Variants in CELSR3 observed in about 807,000 individuals in gnomAD.
CELSR3 encodes cadherin EGF LAG seven-pass G-type receptor 3.
CELSR3 carries 73 observed loss-of-function variants against 270.0 expected under a neutral mutation model. The observed-to-expected ratio is 0.27, with a 90% confidence interval of 0.22 to 0.33. CELSR3 has a LOEUF of 0.33. Ranked by LOEUF, CELSR3 falls within the 10% of genes least tolerant of loss-of-function variation. The pLI, the probability that CELSR3 is intolerant of heterozygous loss-of-function variation, is 1.00. For synonymous variants in CELSR3, 1,780 were observed against 1,905.4 expected, an observed-to-expected ratio of 0.93 and a Z score of 1.71; for missense variants, 3,614 against 4,533.8, an observed-to-expected ratio of 0.80 and a Z score of 5.83.
chr3:48,641,578 G>T lies in CELSR3; in HGVS notation c.8825-54C>A. On this transcript the variant is annotated intron_variant, in intron 32 of 34. Transcript: ENST00000164024. The surrounding 1 kb of genome is among the most constrained non-coding windows in gnomAD (Gnocchi z 4.8). ...TTCTGGGTTGATCCCAGTGACTCAT[G>T]ACCCCTGACCCTAATGACCCTTGAA... is the stretch of plus-strand genomic sequence containing the variant. The T allele has an allele frequency of 1.5e-6, 2 of 1,316,798 alleles. No individual in the cohort carries two copies. The highest frequency in any genetic ancestry group is 2.4e-5 in the South Asian group (2 of 82,222). The allele number at this position is 1,316,798 out of a possible 1,614,324, so 81.6% of individuals were successfully genotyped here. A position where few individuals can be genotyped will look rare whatever the true frequency, so the allele number is the denominator to read the frequency against.
In CELSR3 at chr3:48,654,463, G is replaced by C; in HGVS notation, c.4989-11C>G. On this transcript the variant is annotated splice_polypyrimidine_tract_variant and intron_variant, in intron 6 of 34. Transcript: ENST00000164024. The surrounding 1 kb of genome is among the most constrained non-coding windows in gnomAD (Gnocchi z 5.4). Reference sequence around the variant, plus strand: ...GTCAGGTCCAGGGACCTGGGGATCAGGGGTCTGGGTCATTGGTGGGACTGG... The same window carrying C: ...GTCAGGTCCAGGGACCTGGGGATCACGGGTCTGGGTCATTGGTGGGACTGG... 1 of 1,567,456 alleles carries C rather than the reference G, an allele frequency of 6.4e-7. No individual in the cohort carries two copies.
In CELSR3 at chr3:48,642,137, G is replaced by A; in HGVS notation, c.8666-128C>T. The A allele has an allele frequency of 1.0e-6, 1 of 959,032 alleles. No homozygotes were observed. The allele number at this position is 959,032 out of a possible 1,614,324, so 59.4% of individuals were successfully genotyped here. A position where few individuals can be genotyped will look rare whatever the true frequency, so the allele number is the denominator to read the frequency against. ...TTGGGGACAGGAACCGGGGCTTGAAGTGGAGGTAGCAGCAGAAGGGCTGGG... is the reference window on the plus strand; with the variant it reads ...TTGGGGACAGGAACCGGGGCTTGAAATGGAGGTAGCAGCAGAAGGGCTGGG... On this transcript the variant is annotated intron_variant, in intron 31 of 34. Coordinates refer to ENST00000164024, the MANE Select transcript of CELSR3 (RefSeq NM_001407.3). This position sits in a 1 kb window ranked among gnomAD's most constrained non-coding sequence, Gnocchi z 6.1.
chr3:48,643,388 TG>T (rs1232461621), intron 28 of CELSR3, 165 bp downstream of exon 28: 4 of 966,630 alleles, frequency 4.1e-6, no homozygotes, highest in African/African-American at 1.7e-5. Flanking sequence ...GCTCCAGGCC[TG>T]GGGGCAGCAG....
At chr3:48,656,560 C>T in intron 2 of CELSR3, 138 bp downstream of exon 2, 2 of 1,269,144 alleles carry the variant, frequency 1.6e-6, no homozygotes, top group Non-Finnish European at 2.1e-6. Flanking sequence ...CTTCCGGCCA[C>T]GCTCTACGGC....
rs2047062700 is a variant in CELSR3 at position 48,644,653 on chromosome 3, C to T, written c.8085+63G>A. 1 of 1,362,406 alleles carries T rather than the reference C, an allele frequency of 7.3e-7. No homozygotes were observed. The highest frequency in any genetic ancestry group is 1.0e-6 in the Non-Finnish European group (1 of 959,900). The allele number at this position is 1,362,406 out of a possible 1,614,324, so 84.4% of individuals were successfully genotyped here. A position where few individuals can be genotyped will look rare whatever the true frequency, so the allele number is the denominator to read the frequency against. On this transcript the variant is annotated intron_variant, in intron 26 of 34. Transcript: ENST00000164024. This position sits in a 1 kb window ranked among gnomAD's most constrained non-coding sequence, Gnocchi z 4.8. ...ACCTGACCGCCCTCAGCTGAGTCCA[C>T]TGCACCTCCTCCCCCAATGAGGGAG...
In CELSR3 at chr3:48,645,812, C is replaced by T. The variant is rs370732368; in HGVS notation, c.7520G>A (p.Gly2507Glu). Reference sequence around the variant, plus strand: ...GCTGCAGCGACACCGTGCGTGGGACCCATTCCTGTGCACCAGCTCGCAGTC... The same window carrying T: ...GCTGCAGCGACACCGTGCGTGGGACTCATTCCTGTGCACCAGCTCGCAGTC... ...ARDCELVHRN[G>E]SHARCRCSRT... Residue 2507 changes from glycine to glutamate, a missense_variant, in exon 23 of 35, where the codon GGG becomes GAG. Gly to Glu is a moderately conservative substitution (Grantham distance 98, BLOSUM62 -2). This residue lies in a region of CELSR3 where 1,240 missense variants were observed against 1,351.7 expected (regional missense o/e 0.92). Transcript: ENST00000164024. This position sits in a 1 kb window ranked among gnomAD's most constrained non-coding sequence, Gnocchi z 5.4. 1.2e-6 allele frequency: 2 copies of T among 1,611,520 alleles called. No individual in the cohort carries two copies. The highest frequency in any genetic ancestry group is 1.3e-5 in the African/African-American group (1 of 74,926).
Position 48,640,776 on chromosome 3 carries a change from C to A in CELSR3, c.9026-217G>T, listed in dbSNP as rs1017801031. On this transcript the variant is annotated intron_variant, in intron 33 of 34. Coordinates refer to ENST00000164024, the MANE Select transcript of CELSR3 (RefSeq NM_001407.3). This position sits in a 1 kb window ranked among gnomAD's most constrained non-coding sequence, Gnocchi z 7.5. ...GGCAGTCATCTTCCAGTTGTGGTCC[C>A]GGGGCAGGGGGAGGGCGGGCAGGTC... 3.5e-5 allele frequency: 6 copies of A among 173,776 alleles called. No homozygotes were observed. The highest frequency in any genetic ancestry group is 5.5e-5 in the Non-Finnish European group (5 of 91,618). 10.8% of individuals were successfully genotyped at this position (173,776 alleles called of 1,614,324 possible).
Position 48,655,961 on chromosome 3 carries a change from G to A in CELSR3, c.4626-110C>T. ...GGGCTGGGGCGAGAGAGGAAGCGAC[G>A]AGGGACGGCGGGACCGACCGGGGGG... is the stretch of plus-strand genomic sequence containing the variant. On this transcript the variant is annotated intron_variant, in intron 3 of 34. Transcript: ENST00000164024. This position sits in a 1 kb window ranked among gnomAD's most constrained non-coding sequence, Gnocchi z 5.8. 8.6e-7 allele frequency: 1 copy of A among 1,165,012 alleles called. No individual in the cohort carries two copies. Among genetic ancestry groups the A allele is most frequent in the Non-Finnish European group, 1.2e-6 (1 of 809,270 alleles). The allele number at this position is 1,165,012 out of a possible 1,614,324, so 72.2% of individuals were successfully genotyped here. A position where few individuals can be genotyped will look rare whatever the true frequency, so the allele number is the denominator to read the frequency against.
At position 48,650,664 on chromosome 3, in the gene CELSR3, C is replaced by T. The variant is rs1237036227; in HGVS notation, c.6371-83G>A. On this transcript the variant is annotated intron_variant, in intron 15 of 34. Transcript: ENST00000164024. The surrounding 1 kb of genome is among the most constrained non-coding windows in gnomAD (Gnocchi z 5.1). ...CACCCACTGCCCCTCCACCACCCCCCACAAGGCCCACTGCCCGCCACTCCT... is the reference window on the plus strand; with the variant it reads ...CACCCACTGCCCCTCCACCACCCCCTACAAGGCCCACTGCCCGCCACTCCT... 6.7e-6 allele frequency: 8 copies of T among 1,194,250 alleles called. No homozygotes were observed. The highest frequency in any genetic ancestry group is 3.1e-5 in the African/African-American group (2 of 64,268). The allele number at this position is 1,194,250 out of a possible 1,614,324, so 74.0% of individuals were successfully genotyped here.
Position 48,644,637 on chromosome 3 carries a change from C to T in CELSR3, c.8085+79G>A. On this transcript the variant is annotated intron_variant, in intron 26 of 34. Coordinates refer to ENST00000164024, the MANE Select transcript of CELSR3 (RefSeq NM_001407.3). The surrounding 1 kb of genome is among the most constrained non-coding windows in gnomAD (Gnocchi z 4.8). ...AAGCCTGCAGAATGCCACCTGACCG[C>T]CCTCAGCTGAGTCCACTGCACCTCC... 8.5e-7 allele frequency: 1 copy of T among 1,177,778 alleles called. No individual in the cohort carries two copies. Among genetic ancestry groups the T allele is most frequent in the South Asian group, 1.3e-5 (1 of 77,596 alleles). The allele number at this position is 1,177,778 out of a possible 1,614,324, so 73.0% of individuals were successfully genotyped here.
Position 48,655,069 on chromosome 3 carries a change from C to A in CELSR3, c.4963G>T (p.Ala1655Ser), listed in dbSNP as rs202245466. ...AEIGNYSCAA[A>S]GVQTSSKKSL... ...TTCTTGGAGCTTGTTTGCACACCAG[C>A]AGCCGCGCATGAGTAGTTGCCAATC... The change falls in exon 6 of 35, where the codon GCT (alanine) becomes TCT (serine). Residue 1655 changes from alanine (A) to serine (S), a missense_variant. Around this residue, in one of 7 missense-constraint regions of CELSR3, gnomAD observed 1,331 missense variants for 1,933.7 expected, o/e 0.69. Transcript: ENST00000164024. The surrounding 1 kb of genome is among the most constrained non-coding windows in gnomAD (Gnocchi z 5.8). 6 of 1,613,852 alleles carry A rather than the reference C, an allele frequency of 3.7e-6. No individual in the cohort carries two copies. The East Asian group carries it at 1.1e-4, about 30-fold the overall frequency.
Position 48,661,956 on chromosome 3 carries a change from T to C in CELSR3, c.679A>G (p.Arg227Gly). The C allele has an allele frequency of 6.2e-7, 1 of 1,613,816 alleles. No individual in the cohort carries two copies. Among genetic ancestry groups the C allele is most frequent in the South Asian group, 1.1e-5 (1 of 91,092 alleles). The change falls in exon 1 of 35, where the codon AGG becomes GGG. Residue 227 changes from arginine (R) to glycine (G), a missense_variant. Physicochemically the swap from Arg to Gly is moderately radical, Grantham distance 125. This residue lies in a region of CELSR3 where 470 missense variants were observed against 469.7 expected (regional missense o/e 1.00). Coordinates refer to ENST00000164024, the MANE Select transcript of CELSR3 (RefSeq NM_001407.3). ...AGACAGTTCCGCCGGGGGGCTGTCC[T>C]TTCTGCTCCGGATGTCGTGGCTCTC... ...GERATTSGAE[R>G]TAPRRNCLPG...
chr3:48,640,060 A>C lies in CELSR3; in HGVS notation c.9525T>G (p.Ser3175=). The part of the protein sequence containing the change: ...LDPQPPPLPL[S]PQRQLSRDPL... Reference sequence around the variant, plus strand: ...GGTCCCTTGAGAGTTGCCGCTGGGGAGACAGGGGCAGAGGTGGGGGCTGTG... The same window carrying C: ...GGTCCCTTGAGAGTTGCCGCTGGGGCGACAGGGGCAGAGGTGGGGGCTGTG... The change falls in exon 34 of 35, where the codon TCT becomes TCG. Residue 3175 remains serine, a synonymous_variant. Transcript: ENST00000164024. This position sits in a 1 kb window ranked among gnomAD's most constrained non-coding sequence, Gnocchi z 7.5. 6.2e-7 allele frequency: 1 copy of C among 1,610,366 alleles called. No individual in the cohort carries two copies. Among genetic ancestry groups the C allele is most frequent in the Non-Finnish European group, 8.5e-7 (1 of 1,179,620 alleles).
Position 48,661,775 on chromosome 3 carries a change from A to C in CELSR3, c.860T>G (p.Leu287Arg), listed in dbSNP as rs760051160. Residue 287 changes from leucine to arginine, a missense_variant, in exon 1 of 35, where the codon CTC becomes CGC. Leu to Arg is a moderately radical substitution (Grantham distance 102). Coordinates refer to ENST00000164024, the MANE Select transcript of CELSR3 (RefSeq NM_001407.3). ...RSRGLFRCRFLPQRPGPRPPG... is the reference protein window; with the variant it reads ...RSRGLFRCRFRPQRPGPRPPG... Reference sequence around the variant, plus strand: ...GGGACGCGGCCCGGGGCGCTGCGGGAGGAAGCGGCAGCGGAAGAGACCCCG... The same window carrying C: ...GGGACGCGGCCCGGGGCGCTGCGGGCGGAAGCGGCAGCGGAAGAGACCCCG... The C allele has an allele frequency of 3.1e-6, 5 of 1,600,712 alleles. No homozygotes were observed. The East Asian group carries it at 1.1e-4, about 36-fold the overall frequency.
At position 48,655,713 on chromosome 3, in the gene CELSR3, G is replaced by T; in HGVS notation, c.4741+23C>A. The T allele has an allele frequency of 6.3e-7, 1 of 1,596,096 alleles. No individual in the cohort carries two copies. Among genetic ancestry groups the T allele is most frequent in the Non-Finnish European group, 8.6e-7 (1 of 1,164,044 alleles). Reference sequence around the variant, plus strand: ...TCCTCCAGCACACACGCACCCTTTCGCCGTCACATCCGGGGCACCCACCCG... The same window carrying T: ...TCCTCCAGCACACACGCACCCTTTCTCCGTCACATCCGGGGCACCCACCCG... On this transcript the variant is annotated intron_variant, in intron 4 of 34. Transcript: ENST00000164024. The surrounding 1 kb of genome is among the most constrained non-coding windows in gnomAD (Gnocchi z 5.8).
chr3:48,647,821 G>T lies in CELSR3; in HGVS notation c.7129+20C>A, dbSNP rs2047100395. ...ACAGAGAGACAGGACTTGGCCCAGG[G>T]GTCCCCTAGGGGCTCTCACCTTCAG... On this transcript the variant is annotated intron_variant, in intron 20 of 34. Coordinates refer to ENST00000164024, the MANE Select transcript of CELSR3 (RefSeq NM_001407.3). 6.2e-7 allele frequency: 1 copy of T among 1,604,594 alleles called. No homozygotes were observed. Among genetic ancestry groups the T allele is most frequent in the Non-Finnish European group, 8.5e-7 (1 of 1,178,490 alleles).
Position 48,650,138 on chromosome 3 carries a change from T to C in CELSR3, c.6472+342A>G. 1 of 470,124 alleles carries C rather than the reference T, an allele frequency of 2.1e-6. No homozygotes were observed. The highest frequency in any genetic ancestry group is 2.0e-5 in the African/African-American group (1 of 50,010). 29.1% of individuals were successfully genotyped at this position (470,124 alleles called of 1,614,324 possible). On this transcript the variant is annotated intron_variant, in intron 16 of 34. Coordinates refer to ENST00000164024, the MANE Select transcript of CELSR3 (RefSeq NM_001407.3). This position sits in a 1 kb window ranked among gnomAD's most constrained non-coding sequence, Gnocchi z 5.1. ...CATCAGAGAAGGGCCCCTGGGGTAC[T>C]CAGATAGCCAGAAGGGGCCTGCAGG...
rs1455125957 is a variant in CELSR3, at chr3:48,651,600, A to G, written c.6042T>C (p.Tyr2014=). Residue 2014 remains tyrosine (Y), a synonymous_variant, in exon 13 of 35, where the codon TAT becomes TAC. Coordinates refer to ENST00000164024, the MANE Select transcript of CELSR3 (RefSeq NM_001407.3). The surrounding 1 kb of genome is among the most constrained non-coding windows in gnomAD (Gnocchi z 7.4). ...ACCTGTGCTCACAGTGGTGCCCGAA[A>G]TAGCCACCCACACAGTCACAGGTAT... ...HGYTCDCVGG[Y]FGHHCEHRMD... 2.5e-6 allele frequency: 4 copies of G among 1,577,496 alleles called. No individual in the cohort carries two copies. In the Admixed American group the frequency reaches 7.1e-5, roughly 28 times the overall value.
rs2047024428 is a variant in CELSR3 at position 48,641,336 on chromosome 3, G to A, written c.9013C>T (p.Arg3005Cys). ...TCAGGGACTGTACCTTTCCTCTGGC[G>A]CTGGGCCCGGCCCAGAGAAGTCTCA... ...GDETSLGRAQ[R>C]QRKGILKNRL... The change falls in exon 33 of 35, where the codon CGC becomes TGC. Residue 3005 changes from arginine to cysteine, a missense_variant. By Grantham distance (180) the Arg-to-Cys change is radical. Coordinates refer to ENST00000164024, the MANE Select transcript of CELSR3 (RefSeq NM_001407.3). This position sits in a 1 kb window ranked among gnomAD's most constrained non-coding sequence, Gnocchi z 4.8. 6 of 1,605,590 alleles carry A rather than the reference G, an allele frequency of 3.7e-6. No homozygotes were observed. Among genetic ancestry groups the A allele is most frequent in the South Asian group, 3.3e-5 (3 of 90,918 alleles).
Sources: gnomAD v4.1 joint callset for allele counts on GRCh38, gnomAD v4.1.1 for gene constraint, gnomAD v4.1.1 regional missense constraint, Gnocchi (gnomAD v3.1) non-coding constraint, MANE v1.5 for transcripts, NCBI Gene and HGNC (gene_info 2026-07-23, HGNC 2026-07-21) for gene names.